SBK1: variants seen among roughly 807,000 people sequenced by gnomAD.
SBK1 encodes the protein SH3 domain binding kinase 1.
In SBK1, 11 loss-of-function variants were observed where a neutral mutation model predicts 24.4. The observed-to-expected ratio is 0.45, with a 90% CI of 0.28 to 0.75. The LOEUF (loss-of-function observed/expected upper bound fraction) is 0.75. Among genes scored for constraint, SBK1 ranks in the 30% least tolerant of loss-of-function variants. The pLI, the probability that SBK1 is intolerant of heterozygous loss-of-function variation, is 0.12. For synonymous variants in SBK1, 308 were observed against 284.4 expected (o/e 1.08, Z -0.83); for missense variants, 467 against 620.5 (o/e 0.75, Z 2.63).
intron 1 of SBK1, among the ~76,000 whole-genome samples, chr16:28,268,181 C>G (rs1464493344): frequency 6.6e-6 from 1 of 152,116 alleles, no homozygotes; most frequent in African/African-American, 2.4e-5. Context: ...GTTTTTGTTT[C>G]ATAGTTATAG....
chr16:28,280,326 G>A lies in SBK1; in HGVS notation c.257+20824G>A, dbSNP rs937072411. ...ATATATGTATATAATATATATATAC[G>A]TACATATGTATATATATATATAAAA... On this transcript the variant is annotated intron_variant, in intron 1 of 3. Coordinates refer to the SBK1 transcript ENST00000671413. Among the ~76,000 whole-genome samples the A allele has an allele frequency of 3.7e-4, 46 of 124,232 alleles. 1 individual carries two copies. Among genetic ancestry groups the A allele is most frequent in the Admixed American group, 3.0e-3 (34 of 11,368 alleles). 81.5% of individuals were successfully genotyped at this position (124,232 alleles called of 152,430 possible).
chr16:28,288,456 A>T (rs1017095676), upstream of SBK1, among the ~76,000 whole-genome samples: 12 of 152,158 alleles, frequency 7.9e-5, no homozygotes, highest in Admixed American at 1.3e-4. Context: ...CTATGGGAAA[A>T]CTTTGAAGAG....
rs759781080 is a variant in SBK1, at chr16:28,320,832, C to A, written c.1186C>A (p.Pro396Thr). The A allele has an allele frequency of 2.0e-6, 3 of 1,464,892 alleles. No homozygotes were observed. Among genetic ancestry groups the A allele is most frequent in the East Asian group, 6.2e-5 (2 of 32,078 alleles). The allele number at this position is 1,464,892 out of a possible 1,614,324, so 90.7% of individuals were successfully genotyped here. A position where few individuals can be genotyped will look rare whatever the true frequency, so the allele number is the denominator to read the frequency against. Residue 396 changes from proline (P) to threonine (T), a missense_variant, in exon 4 of 4, where the codon CCC becomes ACC. This residue lies in a region of SBK1 where 166 missense variants were observed against 146.8 expected (regional missense o/e 1.13). Coordinates refer to ENST00000341901, the MANE Select transcript of SBK1 (RefSeq NM_001024401.3). This position sits in a 1 kb window ranked among gnomAD's most constrained non-coding sequence, Gnocchi z 8.5. Reference sequence around the variant, plus strand: ...GCCTGTGCCCGAGCCCGGCCTAGCTCCCCAGGGGCCCCCCGGCCGGACCGA... The same window carrying A: ...GCCTGTGCCCGAGCCCGGCCTAGCTACCCAGGGGCCCCCCGGCCGGACCGA... ...PVPVPEPGLA[P>T]QGPPGRTDGR... is the part of the protein sequence containing the mutation.
rs2044854569 is a variant in SBK1 at position 28,322,125 on chromosome 16, T to TGTAGGGTGCAGACGC, written c.*1205_*1219dup. On this transcript the variant is annotated 3_prime_UTR_variant, in exon 4 of 4. Coordinates refer to ENST00000341901, the MANE Select transcript of SBK1 (RefSeq NM_001024401.3). ...GTGTGACTAGGTGTGTGTGCACATG[T>TGTAGGGTGCAGACGC]GTAGGGTGCAGACGCATGGGTGCCA... The TGTAGGGTGCAGACGC allele has an allele frequency of 3.3e-5, 5 of 152,644 alleles. No homozygotes were observed. The highest frequency in any genetic ancestry group is 1.3e-4 in the Admixed American group (2 of 15,268). The allele number at this position is 152,644 out of a possible 1,614,324, so 9.5% of individuals were successfully genotyped here. A position where few individuals can be genotyped will look rare whatever the true frequency, so the allele number is the denominator to read the frequency against.
At chr16:28,291,988 T>G (rs551132614), upstream of SBK1, 2 of 152,070 alleles carry the variant, frequency 1.3e-5, no homozygotes, top group Non-Finnish European at 2.9e-5. Context: ...GATGGATGGA[T>G]GGACGGACGG....
chr16:28,289,590 A>T (rs1420405575), upstream of SBK1, among the ~76,000 whole-genome samples: 2 of 151,778 alleles, frequency 1.3e-5, no homozygotes, highest in African/African-American at 4.8e-5. Flanking sequence ...ACAATGGCAA[A>T]ACCTCATCTC....
chr16:28,313,595 C>CT (rs1403192291), intron 1 of SBK1, among the ~76,000 whole-genome samples: 3 of 84,622 alleles, frequency 3.5e-5, no homozygotes, highest in Non-Finnish European at 6.2e-5. Context: ...GATACCCTGT[C>CT]TTAAAAAAAA....
At chr16:28,318,717 G>A (rs997433473) in intron 2 of SBK1, among the ~76,000 whole-genome samples, 12 of 152,178 alleles carry the variant, frequency 7.9e-5, no homozygotes, top group African/African-American at 2.2e-4. Context: ...AGCATATGGC[G>A]GGCAGGACAA....
Position 28,320,028 on chromosome 16 carries a change from G to C in SBK1, c.430-48G>C. On this transcript the variant is annotated intron_variant, in intron 3 of 3. Coordinates refer to ENST00000341901, the MANE Select transcript of SBK1 (RefSeq NM_001024401.3). This position sits in a 1 kb window ranked among gnomAD's most constrained non-coding sequence, Gnocchi z 8.5. ...GAGCTGGAGGGGAGGGCGGCGGGGC[G>C]GGCGCTGGAGAGCTGGAAACAGCGC... 1 of 1,422,250 alleles carries C rather than the reference G, an allele frequency of 7.0e-7. No individual in the cohort carries two copies. Among genetic ancestry groups the C allele is most frequent in the Non-Finnish European group, 9.1e-7 (1 of 1,093,680 alleles). 88.1% of individuals were successfully genotyped at this position (1,422,250 alleles called of 1,614,324 possible).
intron 1 of SBK1, among the ~76,000 whole-genome samples, chr16:28,280,149 A>ATATATATATGTGTG (rs1230385223): frequency 3.8e-4 from 15 of 39,400 alleles, no homozygotes; most frequent in African/African-American, 1.1e-3. Context: ...ATATATATAT[A>ATATATATATGTGTG]TGTGTGTGTG....
At chr16:28,303,559 G>A (rs1336951866) in intron 1 of SBK1, among the ~76,000 whole-genome samples, 1 of 110,064 alleles carries the variant, frequency 9.1e-6, no homozygotes, top group African/African-American at 3.6e-5. Flanking sequence ...CTGTTACCCA[G>A]ACTGGAGTGC....
intron 1 of SBK1, among the ~76,000 whole-genome samples, chr16:28,303,999 G>A (rs146743143): frequency 1.3e-3 from 203 of 152,206 alleles, no homozygotes; most frequent in African/African-American, 4.6e-3. Context: ...GTGGGATGGG[G>A]GGTGTTGGGC....
At position 28,317,425 on chromosome 16, in the gene SBK1, C is replaced by T. The variant is rs200833665; in HGVS notation, c.34C>T (p.Arg12Cys). ...GGGCTGCCCAGAGCCTGAGCCGCCC[C>T]GCTCCCTGACCTGCTGTGGGCCGGG... is the stretch of plus-strand genomic sequence containing the variant. ...SVGCPEPEPP[R>C]SLTCCGPGTA... Residue 12 changes from arginine to cysteine, a missense_variant, in exon 2 of 4, where the codon CGC becomes TGC. Physicochemically the swap from Arg to Cys is radical, Grantham distance 180. This residue lies in a region of SBK1 where 123 missense variants were observed against 158.2 expected (regional missense o/e 0.78). Transcript: ENST00000341901. This position sits in a 1 kb window ranked among gnomAD's most constrained non-coding sequence, Gnocchi z 4.2. 78 of 1,614,060 alleles carry T rather than the reference C, an allele frequency of 4.8e-5. 2 individuals carry two copies. In the South Asian group the frequency reaches 6.8e-4, roughly 14 times the overall value.
At chr16:28,267,041 G>A (rs1189856520) in intron 1 of SBK1, among the ~76,000 whole-genome samples, 5 of 151,860 alleles carry the variant, frequency 3.3e-5, no homozygotes, top group Admixed American at 3.3e-4. Context: ...TGAGTAGCTG[G>A]GATTATGGGT....
intron 1 of SBK1, among the ~76,000 whole-genome samples, chr16:28,312,286 C>T (rs2044759422): frequency 6.6e-6 from 1 of 152,244 alleles, no homozygotes; most frequent in Non-Finnish European, 1.5e-5. Flanking sequence ...AGCCTTGCCT[C>T]TCCCTGCTGG....
chr16:28,296,962 C>T (rs1439167385), intron 1 of SBK1, among the ~76,000 whole-genome samples: 1 of 152,176 alleles, frequency 6.6e-6, no homozygotes, highest in Non-Finnish European at 1.5e-5. Context: ...TTCCTTCTAA[C>T]TTTCTAGGAC....
intron 1 of SBK1, among the ~76,000 whole-genome samples, chr16:28,293,835 T>C (rs1396980989): frequency 6.6e-6 from 1 of 152,108 alleles, no homozygotes; most frequent in Non-Finnish European, 1.5e-5. Context: ...GAATCGCATC[T>C]TCCCTGTGAC....
intron 1 of SBK1, among the ~76,000 whole-genome samples, chr16:28,273,462 G>A (rs1474760112): frequency 2.0e-5 from 3 of 152,046 alleles, no homozygotes. Flanking sequence ...GACCTCAGGT[G>A]ATCCGCCTGC....
At chr16:28,303,033 G>A (rs545398587) in intron 1 of SBK1, among the ~76,000 whole-genome samples, 30 of 151,952 alleles carry the variant, frequency 2.0e-4, no homozygotes, top group African/African-American at 7.2e-4. Context: ...AACAGAACTT[G>A]TAGGGAATGA....
Sources: gnomAD v4.1 joint callset for allele counts (sites outside exome capture counted in the v4.1 genomes callset) on GRCh38, gnomAD v4.1.1 for gene constraint, gnomAD v4.1.1 regional missense constraint, Gnocchi (gnomAD v3.1) non-coding constraint, MANE v1.5 for transcripts, NCBI Gene and HGNC (gene_info 2026-07-23, HGNC 2026-07-21) for gene names.